Variants in ZNF527 observed in about 807,000 individuals in gnomAD.
ZNF527 encodes the protein zinc finger protein 527.
In ZNF527, 5 loss-of-function variants were observed where a neutral mutation model predicts 13.5. The ratio of observed to expected loss-of-function variants is 0.37; its 90% confidence interval spans 0.19 to 0.78. The LOEUF (loss-of-function observed/expected upper bound fraction) is 0.78. Among genes scored for constraint, ZNF527 ranks in the 30% least tolerant of loss-of-function variants. The pLI, the probability that ZNF527 is intolerant of heterozygous loss-of-function variation, is 0.48. For synonymous variants in ZNF527, 209 were observed against 243.1 expected, an observed-to-expected ratio of 0.86 and a Z score of 1.30; for missense variants, 628 against 726.4, an observed-to-expected ratio of 0.86 and a Z score of 1.56.
rs1444762633 is a variant in ZNF527 at position 37,392,019 on chromosome 19, T to C, written c.*2140T>C. 6.6e-6 allele frequency: 1 copy of C among 152,240 alleles called. No homozygotes were observed. Among genetic ancestry groups the C allele is most frequent in the Non-Finnish European group, 1.5e-5 (1 of 68,040 alleles). 9.4% of individuals were successfully genotyped at this position (152,240 alleles called of 1,614,324 possible). On this transcript the variant is annotated 3_prime_UTR_variant, in exon 5 of 5. Coordinates refer to ENST00000436120, the MANE Select transcript of ZNF527 (RefSeq NM_032453.2). Reference sequence around the variant, plus strand: ...GAGTGAAATATTCAACTTATACTTATTTCTAATAAAATCTGAAAATTATTT... The same window carrying C: ...GAGTGAAATATTCAACTTATACTTACTTCTAATAAAATCTGAAAATTATTT...
At chr19:37,385,983 C>T (rs1423133120) in intron 4 of ZNF527, among the ~76,000 whole-genome samples, 3 of 151,964 alleles carry the variant, frequency 2.0e-5, no homozygotes, top group Non-Finnish European at 4.4e-5. Context: ...ATAGTTCTTA[C>T]CACTATCCAT....
Position 37,379,055 on chromosome 19 carries a change from C to A in ZNF527, c.34-65C>A, listed in dbSNP as rs371981083. ...TAGAGCTTTGAACTCTGGCCAAATT[C>A]ATCTTTTTTGCTAGGACCATATAGG... On this transcript the variant is annotated intron_variant, in intron 2 of 4. Coordinates refer to ENST00000436120, the MANE Select transcript of ZNF527 (RefSeq NM_032453.2). 317 of 1,597,898 alleles carry A rather than the reference C, an allele frequency of 2.0e-4. 1 individual carries two copies. In the African/African-American group the frequency reaches 3.6e-3, roughly 18 times the overall value.
chr19:37,387,490 C>G (rs3745763), intron 4 of ZNF527, among the ~76,000 whole-genome samples: 3,800 of 152,280 alleles, frequency 0.025, 87 homozygotes, highest in East Asian at 0.077. Flanking sequence ...AGGCTTTCCC[C>G]CCTCTACTAG....
In ZNF527 at chr19:37,389,925, TTATTAAA is replaced by T. The variant is rs1220660461; in HGVS notation, c.*52_*58del. ...AAAACATGTGGTTACCACTCAATCC[TTATTAAA>T]TATTAGTGAGTTCTTTTTGGTTAGT... On this transcript the variant is annotated 3_prime_UTR_variant, in exon 5 of 5. Transcript: ENST00000436120. The T allele has an allele frequency of 1.3e-5, 20 of 1,513,406 alleles. No homozygotes were observed. The highest frequency in any genetic ancestry group is 1.7e-5 in the Non-Finnish European group (19 of 1,140,416). 93.7% of individuals were successfully genotyped at this position (1,513,406 alleles called of 1,614,324 possible).
intron 2 of ZNF527, among the ~76,000 whole-genome samples, chr19:37,377,304 A>G (rs1338254140): frequency 6.6e-6 from 1 of 152,184 alleles, no homozygotes; most frequent in East Asian, 1.9e-4. Context: ...TCATAGTCAC[A>G]GAGGGCAGAC....
rs1050024983 is a variant in ZNF527 at position 37,386,140 on chromosome 19, C to CTTTTTTTTTTTTTTTTTTT, written c.257-2162_257-2144dup. Among the ~76,000 whole-genome samples, 65 of 72,464 alleles carry CTTTTTTTTTTTTTTTTTTT rather than the reference C, an allele frequency of 9.0e-4. 6 individuals are homozygous for CTTTTTTTTTTTTTTTTTTT. The highest frequency in any genetic ancestry group is 1.7e-3 in the African/African-American group (25 of 14,852). The allele number at this position is 72,464 out of a possible 152,430, so 47.5% of individuals were successfully genotyped here. The stretch of plus-strand genomic sequence containing the variant: ...TAGAACTTTCTTTTCTCTTCTTTTC[C>CTTTTTTTTTTTTTTTTTTT]TTTTTTTTTTTTTTTTTTTTTTGAG... On this transcript the variant is annotated intron_variant, in intron 4 of 4. Coordinates refer to ENST00000436120, the MANE Select transcript of ZNF527 (RefSeq NM_032453.2).
chr19:37,381,409 A>T (rs73930982), intron 4 of ZNF527, among the ~76,000 whole-genome samples: 1 of 152,180 alleles, frequency 6.6e-6, no homozygotes, highest in African/African-American at 2.4e-5. Context: ...CATGCACTCA[A>T]TTTGGATCTA....
intron 2 of ZNF527, among the ~76,000 whole-genome samples, chr19:37,376,632 C>T (rs1303162371): frequency 1.3e-5 from 2 of 148,712 alleles, no homozygotes; most frequent in Non-Finnish European, 3.0e-5. Context: ...CAAGATCGCG[C>T]CATTGCACTC....
chr19:37,375,299 TTTCTTTC>T (rs1389844479), intron 2 of ZNF527, among the ~76,000 whole-genome samples: 2 of 107,014 alleles, frequency 1.9e-5, no homozygotes, highest in African/African-American at 8.7e-5. Context: ...TCTTTCTTTC[TTTCTTTC>T]TTTCTTTTCT....
chr19:37,376,706 A>G (rs1296998573), intron 2 of ZNF527, among the ~76,000 whole-genome samples: 2 of 149,440 alleles, frequency 1.3e-5, no homozygotes, highest in African/African-American at 2.4e-5. Flanking sequence ...AAAAAAAAAA[A>G]GGCAGGAAAA....
chr19:37,382,416 A>C (rs1030168438), intron 4 of ZNF527, among the ~76,000 whole-genome samples: 2 of 152,062 alleles, frequency 1.3e-5, no homozygotes, highest in African/African-American at 4.8e-5. Context: ...TAAAACTATC[A>C]GTTTATATTA....
chr19:37,386,140 C>CTTT (rs1050024983), intron 4 of ZNF527, among the ~76,000 whole-genome samples: 788 of 72,346 alleles, frequency 0.011, 59 homozygotes, highest in African/African-American at 0.043. Flanking sequence ...TCTTCTTTTC[C>CTTT]TTTTTTTTTT....
intron 1 of ZNF527, among the ~76,000 whole-genome samples, chr19:37,372,405 G>T (rs944334475): frequency 6.6e-6 from 1 of 151,248 alleles, no homozygotes; most frequent in Admixed American, 6.6e-5. Context: ...AAATTAGGGG[G>T]TGATGTATAC....
At chr19:37,387,076 G>T (rs1481504847) in intron 4 of ZNF527, among the ~76,000 whole-genome samples, 1 of 152,162 alleles carries the variant, frequency 6.6e-6, no homozygotes, top group East Asian at 1.9e-4. Flanking sequence ...AGATACAGAT[G>T]AATAATATTT....
At position 37,388,828 on chromosome 19, in the gene ZNF527, T is replaced by C; in HGVS notation, c.779T>C (p.Leu260Ser). The change falls in exon 5 of 5, where the codon TTA becomes TCA. Residue 260 changes from leucine to serine, a missense_variant. Physicochemically the swap from Leu to Ser is moderately radical, Grantham distance 145 (BLOSUM62 -2). Transcript: ENST00000436120. Reference sequence around the variant, plus strand: ...TCAAAGCTCTTAAGTTTCCACTCATTATTTACTCAACATCAGACCACTCAT... The same window carrying C: ...TCAAAGCTCTTAAGTTTCCACTCATCATTTACTCAACATCAGACCACTCAT... ...DFSKLLSFHS[L>S]FTQHQTTHFG... is the part of the protein sequence containing the mutation. The C allele has an allele frequency of 3.1e-6, 5 of 1,613,824 alleles. No individual in the cohort carries two copies. The South Asian group carries it at 5.5e-5, about 18-fold the overall frequency.
At chr19:37,386,693 A>G (rs542640538) in intron 4 of ZNF527, among the ~76,000 whole-genome samples, 91 of 152,326 alleles carry the variant, frequency 6.0e-4, no homozygotes, top group African/African-American at 2.2e-3. Flanking sequence ...TAGTGGTTGG[A>G]GCTCCAGGCA....
chr19:37,380,753 C>T lies in ZNF527; in HGVS notation c.256+381C>T, dbSNP rs578117122. Among the ~76,000 whole-genome samples the T allele has an allele frequency of 1.1e-4, 17 of 152,208 alleles. No individual in the cohort carries two copies. The East Asian group carries it at 3.1e-3, about 28-fold the overall frequency. On this transcript the variant is annotated intron_variant, in intron 4 of 4. Coordinates refer to ENST00000436120, the MANE Select transcript of ZNF527 (RefSeq NM_032453.2). ...AAATAATTGCAGTTTTGCCAAAAAA[C>T]GCAATTACCTTTGCACCAAAAAGCC...
intron 4 of ZNF527, 106 bp downstream of exon 4, chr19:37,380,478 A>C: frequency 1.1e-6 from 1 of 872,924 alleles, no homozygotes; most frequent in Non-Finnish European, 1.7e-6. Context: ...TGAAATCTCC[A>C]TAGTATGTGC....
At chr19:37,376,368 A>T (rs1352076927) in intron 2 of ZNF527, among the ~76,000 whole-genome samples, 1 of 151,904 alleles carries the variant, frequency 6.6e-6, no homozygotes, top group Admixed American at 6.6e-5. Flanking sequence ...AAAAAAAAAT[A>T]AAAAATAAAA....
Sources: gnomAD v4.1 joint callset for allele counts (sites outside exome capture counted in the v4.1 genomes callset) on GRCh38, gnomAD v4.1.1 for gene constraint, MANE v1.5 for transcripts, NCBI Gene and HGNC (gene_info 2026-07-23, HGNC 2026-07-21) for gene names.